Variants in PDZD2 observed in about 807,000 individuals in gnomAD.
PDZD2 encodes the protein PDZ domain containing 2, also known as PDZ domain-containing protein 2.
Under a neutral mutation model 220.7 loss-of-function variants are expected in PDZD2, and 90 were observed. The ratio of observed to expected loss-of-function variants is 0.41; its 90% CI spans 0.34 to 0.49. The LOEUF (loss-of-function observed/expected upper bound fraction) is 0.49, where lower values mean the gene tolerates loss of function less well. Ranked by LOEUF, PDZD2 falls within the 20% of genes least tolerant of loss-of-function variation. The pLI is 0.28. For synonymous variants in PDZD2, 1,375 were observed against 1,450.5 expected (o/e 0.95, Z 1.18); for missense variants, 3,174 against 3,608.5 (o/e 0.88, Z 3.08).
chr5:31,888,142 C>G (rs1274600801), intron 2 of PDZD2, among the ~76,000 whole-genome samples: 2 of 151,936 alleles, frequency 1.3e-5, no homozygotes, highest in Admixed American at 6.6e-5. Context: ...GTTTCCTTTT[C>G]TTTTTCTTTT....
chr5:31,792,131 G>C (rs1387408734), intron 1 of PDZD2, among the ~76,000 whole-genome samples: 1 of 152,206 alleles, frequency 6.6e-6, no homozygotes, highest in Non-Finnish European at 1.5e-5. Context: ...TAAAGGAAGA[G>C]AGAATGAATA....
In PDZD2 at chr5:32,057,928, C is replaced by T. The variant is rs771535240; in HGVS notation, c.2025C>T (p.Ser675=). 2 of 1,613,738 alleles carry T rather than the reference C, an allele frequency of 1.2e-6. No homozygotes were observed. Among genetic ancestry groups the T allele is most frequent in the South Asian group, 1.1e-5 (1 of 91,076 alleles). Reference sequence around the variant, plus strand: ...TAACGGTACGCACAAAGTTGGTGAGCCCCAGCCTCACACCCTGCTCGACAC... The same window carrying T: ...TAACGGTACGCACAAAGTTGGTGAGTCCCAGCCTCACACCCTGCTCGACAC... ...FVLTVRTKLV[S]PSLTPCSTPT... The change falls in exon 12 of 25, where the codon AGC becomes AGT. Residue 675 remains serine (S), a synonymous_variant. Transcript: ENST00000438447.
chr5:31,748,794 C>T (rs536173362), intron 1 of PDZD2, among the ~76,000 whole-genome samples: 13 of 152,346 alleles, frequency 8.5e-5, no homozygotes, highest in African/African-American at 2.6e-4. Context: ...TGTGCATTTG[C>T]AGTTCCAGGT....
At chr5:31,747,487 G>A (rs1373643649) in intron 1 of PDZD2, among the ~76,000 whole-genome samples, 2 of 152,102 alleles carry the variant, frequency 1.3e-5, no homozygotes, top group Non-Finnish European at 2.9e-5. Context: ...TGTTTTTTCA[G>A]GTGACAAGGT....
chr5:31,925,224 C>T (rs1744637941), intron 2 of PDZD2, among the ~76,000 whole-genome samples: 1 of 152,074 alleles, frequency 6.6e-6, no homozygotes, highest in African/African-American at 2.4e-5. Context: ...ATACATAAGT[C>T]TATAATAACT....
At chr5:31,894,082 T>TGG (rs1741313679) in intron 2 of PDZD2, among the ~76,000 whole-genome samples, 1 of 106,648 alleles carries the variant, frequency 9.4e-6, no homozygotes, top group African/African-American at 3.7e-5. Context: ...TTTTTTTTTT[T>TGG]TTGGATTTTT....
At chr5:31,864,244 G>A (rs1021350175) in intron 2 of PDZD2, among the ~76,000 whole-genome samples, 1 of 152,198 alleles carries the variant, frequency 6.6e-6, no homozygotes, top group African/African-American at 2.4e-5. Flanking sequence ...TGATAATGCT[G>A]CTTCCTTCCC....
intron 1 of PDZD2, among the ~76,000 whole-genome samples, chr5:31,663,864 T>C (rs1745875426): frequency 6.6e-6 from 1 of 151,504 alleles, no homozygotes; most frequent in Admixed American, 6.6e-5. Context: ...GGTGTGTGTG[T>C]GTGTGTGTGT....
At chr5:31,706,928 C>T (rs1285120858) in intron 1 of PDZD2, among the ~76,000 whole-genome samples, 1 of 151,616 alleles carries the variant, frequency 6.6e-6, no homozygotes. Flanking sequence ...TGCCCCTCTA[C>T]AAATTCATGT....
chr5:32,009,576 T>G (rs532954389), intron 5 of PDZD2, among the ~76,000 whole-genome samples: 6 of 147,816 alleles, frequency 4.1e-5, no homozygotes, highest in African/African-American at 1.5e-4. Context: ...AAATAAAAAA[T>G]TTTAATTAGC....
At chr5:31,866,965 A>G (rs1425534930) in intron 2 of PDZD2, among the ~76,000 whole-genome samples, 1 of 152,170 alleles carries the variant, frequency 6.6e-6, no homozygotes, top group East Asian at 1.9e-4. Context: ...CATCCTTCGA[A>G]GGTGAAGTTC....
chr5:31,839,758 C>A (rs1580862648), intron 2 of PDZD2, among the ~76,000 whole-genome samples: 1 of 152,126 alleles, frequency 6.6e-6, no homozygotes, highest in Admixed American at 6.6e-5. Flanking sequence ...GTGGGAGGGA[C>A]CTGGTTGGAG....
intron 1 of PDZD2, among the ~76,000 whole-genome samples, chr5:31,653,108 T>C (rs1434231090): frequency 6.6e-6 from 1 of 152,142 alleles, no homozygotes; most frequent in Non-Finnish European, 1.5e-5. Context: ...TCCCGTGGCA[T>C]ATTTGCTGAT....
chr5:31,884,541 A>G (rs1386381743), intron 2 of PDZD2, among the ~76,000 whole-genome samples: 1 of 151,376 alleles, frequency 6.6e-6, no homozygotes, highest in Non-Finnish European at 1.5e-5. Context: ...ATTCCACTGC[A>G]CTCCAGAAAG....
intron 8 of PDZD2, among the ~76,000 whole-genome samples, chr5:32,050,379 G>A (rs1429250517): frequency 2.6e-5 from 4 of 152,188 alleles, no homozygotes; most frequent in South Asian, 2.1e-4. Flanking sequence ...TTCAGGGATC[G>A]GGAAGCCCAG....
chr5:32,026,522 C>T (rs1754675730), intron 6 of PDZD2, among the ~76,000 whole-genome samples: 1 of 152,182 alleles, frequency 6.6e-6, no homozygotes, highest in Non-Finnish European at 1.5e-5. Context: ...TTGAGATTTT[C>T]CTGTATGCAT....
chr5:31,990,172 C>T (rs144545621), intron 3 of PDZD2, among the ~76,000 whole-genome samples: 1 of 152,324 alleles, frequency 6.6e-6, no homozygotes, highest in East Asian at 1.9e-4. Context: ...TGTCTTCTCA[C>T]ATATGGGGCA....
intron 24 of PDZD2, among the ~76,000 whole-genome samples, chr5:32,102,344 G>A (rs1016600601): frequency 2.0e-5 from 3 of 152,012 alleles, no homozygotes; most frequent in African/African-American, 7.2e-5. Context: ...CAGCCAGAGC[G>A]AAGCATCTCG....
intron 2 of PDZD2, among the ~76,000 whole-genome samples, chr5:31,979,787 G>A (rs759502319): frequency 5.3e-5 from 8 of 152,134 alleles, no homozygotes; most frequent in African/African-American, 1.2e-4. Context: ...AGGGTTGACC[G>A]TGACTTAAAA....
Sources: allele counts gnomAD v4.1 joint callset (sites outside exome capture counted in the v4.1 genomes callset), GRCh38; gene constraint gnomAD v4.1.1; transcripts MANE v1.5; gene names NCBI Gene and HGNC (gene_info 2026-07-23, HGNC 2026-07-21).